PLCB1: variants seen among roughly 807,000 people sequenced by gnomAD.
The protein encoded by PLCB1 is phospholipase C beta 1, also known as 1-phosphatidylinositol 4,5-bisphosphate phosphodiesterase beta-1.
Under a neutral mutation model 161.8 loss-of-function variants are expected in PLCB1, and 46 were observed. The observed-to-expected ratio is 0.28, with a 90% CI of 0.22 to 0.36. PLCB1 has a LOEUF of 0.36. Ranked by LOEUF, PLCB1 falls within the 10% of genes least tolerant of loss-of-function variation. The pLI is 1.00. For missense variants in PLCB1, 1,016 were observed against 1,472.5 expected (o/e 0.69, Z 5.07); for synonymous variants, 517 against 503.7 (o/e 1.03, Z -0.35).
chr20:8,719,846 G>A (rs1026809094), intron 14 of PLCB1, among the ~76,000 whole-genome samples: 8 of 151,858 alleles, frequency 5.3e-5, no homozygotes, highest in Non-Finnish European at 8.8e-5. Flanking sequence ...TAAACTCTAG[G>A]ACAATCAGGG....
At chr20:8,292,902 C>G (rs1346455664) in intron 2 of PLCB1, among the ~76,000 whole-genome samples, 2 of 152,040 alleles carry the variant, frequency 1.3e-5, no homozygotes, top group African/African-American at 4.8e-5. Context: ...AATCTGTTAC[C>G]ACTGCTGTAC....
intron 14 of PLCB1, among the ~76,000 whole-genome samples, chr20:8,718,682 T>G (rs1172953490): frequency 1.3e-5 from 2 of 152,186 alleles, no homozygotes; most frequent in African/African-American, 4.8e-5. Context: ...TTTAACTCCA[T>G]CTCACCTGCA....
chr20:8,156,088 A>G (rs906876073), intron 2 of PLCB1, among the ~76,000 whole-genome samples: 6 of 152,140 alleles, frequency 3.9e-5, no homozygotes, highest in Non-Finnish European at 8.8e-5. Flanking sequence ...ACTCCTGAGA[A>G]CATAAGCCGG....
intron 19 of PLCB1, among the ~76,000 whole-genome samples, chr20:8,734,085 G>C (rs1477160349): frequency 7.8e-6 from 1 of 127,866 alleles, no homozygotes; most frequent in Admixed American, 9.7e-5. Flanking sequence ...CCCAGATCGC[G>C]CCACTGCACT....
chr20:8,669,232 A>G (rs544080916), intron 9 of PLCB1, among the ~76,000 whole-genome samples: 8 of 152,238 alleles, frequency 5.3e-5, no homozygotes, highest in Non-Finnish European at 1.2e-4. Context: ...GTGCGAGGGA[A>G]GCTTGAAGGA....
rs1182821502 is a variant in PLCB1 at position 8,139,253 on chromosome 20, A to ATTTATT, written c.99+6520_99+6525dup. Among the ~76,000 whole-genome samples the ATTTATT allele has an allele frequency of 1.8e-4, 28 of 151,860 alleles. No individual in the cohort carries two copies. In the South Asian group the frequency reaches 5.6e-3, roughly 30 times the overall value. On this transcript the variant is annotated intron_variant, in intron 1 of 31. Transcript: ENST00000338037. The stretch of plus-strand genomic sequence containing the variant: ...AGGCACATGCCACCATGCCCAGCTA[A>ATTTATT]TTTATTTTTATTTTTATTTTTAGTA...
chr20:8,267,971 A>ATTATTATTATTG (rs1982063222), intron 2 of PLCB1, among the ~76,000 whole-genome samples: 1 of 151,124 alleles, frequency 6.6e-6, no homozygotes, highest in African/African-American at 2.4e-5. Flanking sequence ...TATTATTATT[A>ATTATTATTATTG]TTATTATTAT....
chr20:8,454,243 AG>A (rs1568682654), intron 3 of PLCB1, among the ~76,000 whole-genome samples: 1 of 152,198 alleles, frequency 6.6e-6, no homozygotes, highest in Non-Finnish European at 1.5e-5. Flanking sequence ...TGACTGCAGC[AG>A]AGTCAGTGAT....
At chr20:8,863,747 T>C (rs1318333144) in intron 31 of PLCB1, among the ~76,000 whole-genome samples, 1 of 152,230 alleles carries the variant, frequency 6.6e-6, no homozygotes, top group African/African-American at 2.4e-5. Flanking sequence ...TGATTTTCAA[T>C]CTACTTCTAA....
chr20:8,765,372 A>C lies in PLCB1; in HGVS notation c.2930+14A>C. ...CAGTAAGAAAAAGTAAGTTCAATGAATATTTTTAGTTGGTTTCATAGCATG... is the reference window on the plus strand; with the variant it reads ...CAGTAAGAAAAAGTAAGTTCAATGACTATTTTTAGTTGGTTTCATAGCATG... On this transcript the variant is annotated intron_variant, in intron 26 of 31. Coordinates refer to ENST00000338037, the MANE Select transcript of PLCB1 (RefSeq NM_015192.4). The C allele has an allele frequency of 6.4e-7, 1 of 1,572,900 alleles. No homozygotes were observed. Among genetic ancestry groups the C allele is most frequent in the Non-Finnish European group, 8.7e-7 (1 of 1,149,160 alleles).
chr20:8,738,696 C>A (rs1257764339), intron 20 of PLCB1, among the ~76,000 whole-genome samples: 5 of 152,144 alleles, frequency 3.3e-5, no homozygotes, highest in African/African-American at 7.2e-5. Flanking sequence ...AATAAAACAG[C>A]CTATTTTTTT....
chr20:8,218,511 TC>T (rs1979248573), intron 2 of PLCB1, among the ~76,000 whole-genome samples: 1 of 152,136 alleles, frequency 6.6e-6, no homozygotes, highest in Non-Finnish European at 1.5e-5. Flanking sequence ...GTGATTTAAT[TC>T]CTCAGTTACC....
chr20:8,470,553 T>C (rs1479123783), intron 3 of PLCB1, among the ~76,000 whole-genome samples: 1 of 152,176 alleles, frequency 6.6e-6, no homozygotes, highest in Admixed American at 6.5e-5. Context: ...TGTTTTCTTT[T>C]TCCATCCTTT....
chr20:8,307,126 A>G (rs903309776), intron 2 of PLCB1, among the ~76,000 whole-genome samples: 1 of 152,212 alleles, frequency 6.6e-6, no homozygotes, highest in Non-Finnish European at 1.5e-5. Context: ...AGAATTAACA[A>G]AAGCTTCCAC....
At chr20:8,372,282 T>C (rs1056157030) in intron 3 of PLCB1, 2 of 152,140 alleles carry the variant, frequency 1.3e-5, no homozygotes, top group Non-Finnish European at 2.9e-5. Context: ...CCCACAACTT[T>C]TGTTTTATCT....
chr20:8,665,202 T>C (rs748816761), intron 9 of PLCB1, among the ~76,000 whole-genome samples: 1 of 152,238 alleles, frequency 6.6e-6, no homozygotes, highest in Non-Finnish European at 1.5e-5. Context: ...TTTGGCCTTA[T>C]AAAGCCATTT....
chr20:8,608,020 C>T (rs919763611), intron 3 of PLCB1, among the ~76,000 whole-genome samples: 1 of 151,808 alleles, frequency 6.6e-6, no homozygotes, highest in African/African-American at 2.4e-5. Flanking sequence ...TTTACTCGTC[C>T]AACAATTTTT....
At chr20:8,349,035 C>T (rs1008757390) in intron 2 of PLCB1, among the ~76,000 whole-genome samples, 1 of 151,990 alleles carries the variant, frequency 6.6e-6, no homozygotes, top group Non-Finnish European at 1.5e-5. Context: ...TATATATACA[C>T]ACACACATAA....
intron 2 of PLCB1, among the ~76,000 whole-genome samples, chr20:8,184,977 T>C (rs1222830849): frequency 6.6e-6 from 1 of 151,792 alleles, no homozygotes; most frequent in Non-Finnish European, 1.5e-5. Context: ...GTGTGTGATG[T>C]TCCCCTCCCT....
Sources: gnomAD v4.1 joint callset for allele counts (sites outside exome capture counted in the v4.1 genomes callset) on GRCh38, gnomAD v4.1.1 for gene constraint, MANE v1.5 for transcripts, NCBI Gene and HGNC (gene_info 2026-07-23, HGNC 2026-07-21) for gene names.